Variants in TMTC2 observed in about 807,000 individuals in gnomAD.
The protein encoded by TMTC2 is protein O-mannosyl-transferase TMTC2.
In TMTC2, 43 loss-of-function variants were observed where a neutral mutation model predicts 82.4. The ratio of observed to expected loss-of-function variants is 0.52; its 90% CI spans 0.41 to 0.67. The LOEUF (loss-of-function observed/expected upper bound fraction) is 0.67, where lower values mean the gene tolerates loss of function less well. Ranked by LOEUF, TMTC2 falls within the 30% of genes least tolerant of loss-of-function variation. The pLI is 0.00. For synonymous variants in TMTC2, 408 were observed against 381.9 expected (o/e 1.07, Z -0.80); for missense variants, 919 against 1,012.4 (o/e 0.91, Z 1.25).
chr12:83,092,310 C>CT (rs1316870526), intron 11 of TMTC2, among the ~76,000 whole-genome samples: 3 of 152,202 alleles, frequency 2.0e-5, no homozygotes, highest in African/African-American at 7.2e-5. Flanking sequence ...TGTTGGCATC[C>CT]TGCCCCCCTT....
intron 7 of TMTC2, among the ~76,000 whole-genome samples, chr12:82,974,825 AC>A (rs1453685370): frequency 6.6e-6 from 1 of 152,082 alleles, no homozygotes; most frequent in Non-Finnish European, 1.5e-5. Flanking sequence ...TGAGTGGCGA[AC>A]CCCAGCAAGA....
intron 3 of TMTC2, among the ~76,000 whole-genome samples, chr12:82,901,420 A>G (rs1874015740): frequency 6.7e-6 from 1 of 149,634 alleles, no homozygotes; most frequent in Non-Finnish European, 1.5e-5. Flanking sequence ...TTCACCGGCC[A>G]CAGCCTCCCA....
intron 3 of TMTC2, among the ~76,000 whole-genome samples, chr12:82,908,200 A>G (rs2137203800): frequency 6.6e-6 from 1 of 152,326 alleles, no homozygotes; most frequent in Admixed American, 6.5e-5. Context: ...GTATGCATAT[A>G]CATCATATTT....
chr12:82,691,272 T>C (rs1431638099), intron 1 of TMTC2, among the ~76,000 whole-genome samples: 3 of 152,202 alleles, frequency 2.0e-5, no homozygotes, highest in African/African-American at 7.2e-5. Flanking sequence ...TTTGTTAAAC[T>C]CAACCAGAAT....
chr12:82,965,623 C>T lies in TMTC2; in HGVS notation c.1748C>T (p.Thr583Ile), dbSNP rs906918271. 1 of 1,613,794 alleles carries T rather than the reference C, an allele frequency of 6.2e-7. No homozygotes were observed. The highest frequency in any genetic ancestry group is 8.5e-7 in the Non-Finnish European group (1 of 1,179,770). The change falls in exon 6 of 12, where the codon ACA (threonine) becomes ATA (isoleucine). Residue 583 changes from threonine (T) to isoleucine (I), a missense_variant. Thr to Ile is a moderately conservative substitution (Grantham distance 89, BLOSUM62 -1). Coordinates refer to ENST00000321196, the MANE Select transcript of TMTC2 (RefSeq NM_152588.3). ...GGAAGGACGGAAGAAGCCCGACGGA[C>T]ATTCTTAAAGTGTTCGGAGATCCCA... ...NQGRTEEARR[T>I]FLKCSEIPDE...
At chr12:82,791,128 C>T (rs1592524777) in intron 1 of TMTC2, among the ~76,000 whole-genome samples, 1 of 152,004 alleles carries the variant, frequency 6.6e-6, no homozygotes, top group African/African-American at 2.4e-5. Context: ...CATGACTTCT[C>T]CTCTAATCAG....
chr12:82,995,479 C>T (rs1879579304), intron 8 of TMTC2, among the ~76,000 whole-genome samples: 1 of 152,052 alleles, frequency 6.6e-6, no homozygotes, highest in Non-Finnish European at 1.5e-5. Flanking sequence ...TGTGATTTCC[C>T]CTTATGTTTA....
At chr12:83,037,152 T>C (rs1565863867) in intron 9 of TMTC2, among the ~76,000 whole-genome samples, 1 of 152,236 alleles carries the variant, frequency 6.6e-6, no homozygotes, top group Non-Finnish European at 1.5e-5. Flanking sequence ...ATAGTTCATA[T>C]ATTATTTGTT....
chr12:83,093,980 T>C (rs1883933438), intron 11 of TMTC2, among the ~76,000 whole-genome samples: 1 of 152,174 alleles, frequency 6.6e-6, no homozygotes, highest in South Asian at 2.1e-4. Context: ...TATGAGAATG[T>C]TGAATGGAGG....
intron 11 of TMTC2, among the ~76,000 whole-genome samples, chr12:83,130,818 A>G (rs1885237790): frequency 6.6e-6 from 1 of 152,178 alleles, no homozygotes; most frequent in Non-Finnish European, 1.5e-5. Flanking sequence ...CAAAGTTGAT[A>G]TTATTTCAGT....
intron 1 of TMTC2, among the ~76,000 whole-genome samples, chr12:82,822,213 CTG>C (rs1565765695): frequency 6.6e-6 from 1 of 152,142 alleles, no homozygotes; most frequent in Non-Finnish European, 1.5e-5. Context: ...TGGAACTACT[CTG>C]TGTGATATGT....
chr12:82,699,194 T>C (rs985158067), intron 1 of TMTC2, among the ~76,000 whole-genome samples: 1 of 152,182 alleles, frequency 6.6e-6, no homozygotes, highest in Non-Finnish European at 1.5e-5. Flanking sequence ...CATGGCCTGC[T>C]CCATCCCCCA....
chr12:83,098,710 G>A lies in TMTC2; in HGVS notation c.2332-33500G>A, dbSNP rs146222891. On this transcript the variant is annotated intron_variant, in intron 11 of 11. Coordinates refer to ENST00000321196, the MANE Select transcript of TMTC2 (RefSeq NM_152588.3). Reference sequence around the variant, plus strand: ...AAGCAAGCTCGAGCAAGGGGGACCCGACCCCCACCTTCATGCCCATACACT... The same window carrying A: ...AAGCAAGCTCGAGCAAGGGGGACCCAACCCCCACCTTCATGCCCATACACT... 1.9e-3 allele frequency among the ~76,000 whole-genome samples: 289 copies of A among 152,258 alleles called. 1 individual carries two copies. The highest frequency in any genetic ancestry group is 6.7e-3 in the African/African-American group (277 of 41,540).
chr12:83,109,994 A>G (rs908004914), intron 11 of TMTC2, among the ~76,000 whole-genome samples: 19 of 152,166 alleles, frequency 1.2e-4, no homozygotes, highest in Admixed American at 5.2e-4. Flanking sequence ...ACATTTTTCT[A>G]GACATTTATT....
chr12:82,893,963 G>T (rs976717297), intron 2 of TMTC2, among the ~76,000 whole-genome samples: 1 of 152,138 alleles, frequency 6.6e-6, no homozygotes, highest in African/African-American at 2.4e-5. Context: ...GAGAGAAAAA[G>T]GACAGATTCA....
At chr12:82,937,762 A>ATGTGTG (rs1876430234) in intron 4 of TMTC2, among the ~76,000 whole-genome samples, 1 of 18,624 alleles carries the variant, frequency 5.4e-5, no homozygotes, top group African/African-American at 1.9e-4. Context: ...ATATATATAT[A>ATGTGTG]TATATATATA....
At chr12:82,756,067 G>A (rs1876306958) in intron 1 of TMTC2, among the ~76,000 whole-genome samples, 1 of 152,016 alleles carries the variant, frequency 6.6e-6, no homozygotes, top group African/African-American at 2.4e-5. Flanking sequence ...ATAATTTGTA[G>A]TTACCTGTTC....
intron 1 of TMTC2, among the ~76,000 whole-genome samples, chr12:82,771,863 A>C (rs1354743297): frequency 6.6e-6 from 1 of 152,180 alleles, no homozygotes; most frequent in African/African-American, 2.4e-5. Flanking sequence ...GTAGGTAATC[A>C]AGAAAGGAAA....
At chr12:83,037,475 A>T (rs1429400115) in intron 9 of TMTC2, among the ~76,000 whole-genome samples, 3 of 152,204 alleles carry the variant, frequency 2.0e-5, no homozygotes, top group African/African-American at 7.2e-5. Flanking sequence ...TTGAGATTAC[A>T]ATTACGTTTA....
Sources: allele counts gnomAD v4.1 joint callset (sites outside exome capture counted in the v4.1 genomes callset), GRCh38; gene constraint gnomAD v4.1.1; transcripts MANE v1.5; gene names NCBI Gene and HGNC (gene_info 2026-07-23, HGNC 2026-07-21).